The following CCDC33 variants were observed in gnomAD, a reference collection of about 807,000 sequenced individuals.
CCDC33 encodes coiled-coil domain containing 33.
CCDC33 carries 94 observed loss-of-function variants against 91.9 expected under a neutral mutation model. The observed-to-expected ratio is 1.02, with a 90% confidence interval of 0.87 to 1.21. CCDC33 has a LOEUF of 1.21. CCDC33 is among the 50% of genes most tolerant of loss of function. CCDC33 has a pLI of 0.00. For missense variants in CCDC33, 940 were observed against 935.5 expected, an observed-to-expected ratio of 1.00 and a Z score of -0.06; for synonymous variants, 396 against 374.5, an observed-to-expected ratio of 1.06 and a Z score of -0.66.
intron 1 of CCDC33, chr15:74,243,723 G>A (rs780098643): frequency 1.8e-5 from 9 of 513,048 alleles, no homozygotes; most frequent in East Asian, 5.1e-5. Context: ...CTGGGAGGCC[G>A]AGGCAGGCAG....
rs77472466 is a variant in CCDC33, at chr15:74,273,294, G to A, written c.759+403G>A. Among the ~76,000 whole-genome samples, 5 of 152,324 alleles carry A rather than the reference G, an allele frequency of 3.3e-5. No individual in the cohort carries two copies. The East Asian group carries it at 9.6e-4, about 29-fold the overall frequency. The stretch of plus-strand genomic sequence containing the variant: ...ACAGGGGCTGGGGAAAGGGAAGAAT[G>A]GGGAGTTACAGGTCATAAGTACCTA... On this transcript the variant is annotated intron_variant, in intron 7 of 18. Coordinates refer to ENST00000398814, the MANE Select transcript of CCDC33 (RefSeq NM_025055.5).
At chr15:74,239,964 C>T (rs1332146341) in intron 1 of CCDC33, among the ~76,000 whole-genome samples, 5 of 152,340 alleles carry the variant, frequency 3.3e-5, no homozygotes, top group Non-Finnish European at 7.3e-5. Flanking sequence ...TGATGCAGGA[C>T]ATCTCTGAGG....
intron 7 of CCDC33, among the ~76,000 whole-genome samples, chr15:74,276,950 G>GTGTC (rs759521456): frequency 5.1e-4 from 77 of 152,172 alleles, no homozygotes; most frequent in South Asian, 8.3e-4. Flanking sequence ...TTGTGTGTGT[G>GTGTC]TGTCTGTCTG....
intron 1 of CCDC33, chr15:74,207,815 A>G (rs1009046627): frequency 1.1e-5 from 17 of 1,535,060 alleles, no homozygotes; most frequent in Middle Eastern, 3.4e-4. Context: ...CACACATCCA[A>G]CTGCCCTTCG....
At chr15:74,254,167 G>A (rs1427826082) in intron 2 of CCDC33, among the ~76,000 whole-genome samples, 4 of 151,928 alleles carry the variant, frequency 2.6e-5, no homozygotes, top group East Asian at 3.9e-4. Flanking sequence ...TGAGTAGCTG[G>A]GATTACAGGC....
At chr15:74,239,151 C>T (rs980064382) in intron 1 of CCDC33, among the ~76,000 whole-genome samples, 1 of 152,200 alleles carries the variant, frequency 6.6e-6, no homozygotes. Flanking sequence ...AGCCCCGCTC[C>T]AGCTAGTGTG....
At chr15:74,318,441 A>C in intron 11 of CCDC33, 178 of 459,550 alleles carry the variant, frequency 3.9e-4, no homozygotes, top group East Asian at 9.4e-4. Flanking sequence ...CACCCCACCC[A>C]GACACCCCCC....
intron 3 of CCDC33, 26 bp downstream of exon 3, chr15:74,262,599 C>T: frequency 2.5e-6 from 4 of 1,601,446 alleles, no homozygotes; most frequent in Non-Finnish European, 3.4e-6. Context: ...GCAGGGCCGG[C>T]ATGTGCAGGC....
chr15:74,211,380 T>C (rs2074366461), intron 2 of CCDC33, among the ~76,000 whole-genome samples: 1 of 149,160 alleles, frequency 6.7e-6, no homozygotes, highest in African/African-American at 2.5e-5. Context: ...TCTCTGTCAA[T>C]ATCTGCCCCT....
chr15:74,296,354 G>A (rs746663518), intron 11 of CCDC33, among the ~76,000 whole-genome samples: 5 of 152,178 alleles, frequency 3.3e-5, no homozygotes, highest in Non-Finnish European at 5.9e-5. Context: ...GCTGGGCACG[G>A]TGGCTCACAC....
chr15:74,208,025 C>G, intron 1 of CCDC33: 1 of 1,367,616 alleles, frequency 7.3e-7, no homozygotes, highest in Non-Finnish European at 9.5e-7. Flanking sequence ...AATTCTCATG[C>G]CCCCCTCACC....
chr15:74,269,718 C>T lies in CCDC33; in HGVS notation c.546+1260C>T, dbSNP rs1377368191. 2.8e-4 allele frequency among the ~76,000 whole-genome samples: 39 copies of T among 136,988 alleles called. 2 individuals carry two copies. 89.9% of individuals were successfully genotyped at this position (136,988 alleles called of 152,430 possible). ...GCCTGGTAGAGCGGTAGAGTAGGGG[C>T]CTTCTCTGGCTCACAGCACCCTGCC... On this transcript the variant is annotated intron_variant, in intron 5 of 18. Transcript: ENST00000398814.
chr15:74,248,398 A>G (rs1369492438), intron 2 of CCDC33, among the ~76,000 whole-genome samples: 1 of 151,570 alleles, frequency 6.6e-6, no homozygotes, highest in African/African-American at 2.4e-5. Context: ...TGGTACCCTG[A>G]GCTTAGTCTC....
At chr15:74,295,716 G>A (rs951362803) in intron 10 of CCDC33, 38 bp from the exon 11 acceptor site, 17 of 1,549,830 alleles carry the variant, frequency 1.1e-5, no homozygotes, top group Non-Finnish European at 1.5e-5. Context: ...ACAGAGAAGG[G>A]GCCTGTCCTG....
intron 11 of CCDC33, among the ~76,000 whole-genome samples, chr15:74,298,191 G>A (rs1034683272): frequency 1.3e-5 from 2 of 152,224 alleles, no homozygotes; most frequent in Admixed American, 6.5e-5. Flanking sequence ...GGATTTGTCT[G>A]TGGGAAGTGA....
chr15:74,321,016 G>A (rs77181962), intron 11 of CCDC33, among the ~76,000 whole-genome samples: 1,681 of 152,124 alleles, frequency 0.011, 31 homozygotes, highest in African/African-American at 0.039. Context: ...GGGAGTAAGG[G>A]GACTTCTTAG....
At position 74,246,554 on chromosome 15, in the gene CCDC33, A is replaced by G. The variant is rs181996043; in HGVS notation, c.185+2406A>G. ...TCCAACAAAGAAATACAAATGGCCA[A>G]CAGGCACATGAAAAGGTGCACATCG... On this transcript the variant is annotated intron_variant, in intron 2 of 18. Coordinates refer to ENST00000398814, the MANE Select transcript of CCDC33 (RefSeq NM_025055.5). Among the ~76,000 whole-genome samples, 15 of 152,382 alleles carry G rather than the reference A, an allele frequency of 9.8e-5. No homozygotes were observed. In the East Asian group the frequency reaches 2.9e-3, roughly 29 times the overall value.
chr15:74,228,751 C>T (rs182258225), intron 2 of CCDC33, among the ~76,000 whole-genome samples: 7 of 152,342 alleles, frequency 4.6e-5, no homozygotes, highest in Non-Finnish European at 7.4e-5. Flanking sequence ...CTGGAGACGC[C>T]TCCCCGTGGG....
At chr15:74,205,098 A>C (rs1422794635) in intron 1 of CCDC33, among the ~76,000 whole-genome samples, 1 of 152,148 alleles carries the variant, frequency 6.6e-6, no homozygotes, top group Non-Finnish European at 1.5e-5. Flanking sequence ...CCAGAGGGGA[A>C]GTGAAGTGGG....
Sources: gnomAD v4.1 joint callset for allele counts (sites outside exome capture counted in the v4.1 genomes callset) on GRCh38, gnomAD v4.1.1 for gene constraint, MANE v1.5 for transcripts, NCBI Gene and HGNC (gene_info 2026-07-23, HGNC 2026-07-21) for gene names.